RHOU: variants seen among roughly 807,000 people sequenced by gnomAD.
RHOU encodes the protein ras homolog family member U, also known as rho-related GTP-binding protein RhoU.
RHOU carries 8 observed loss-of-function variants against 12.6 expected under a neutral mutation model. The ratio of observed to expected loss-of-function variants is 0.64; its 90% CI spans 0.37 to 1.15. The LOEUF (loss-of-function observed/expected upper bound fraction) is 1.15. Ranked by LOEUF, RHOU falls within the 50% of genes most tolerant of loss-of-function variation. The pLI is 0.01. For missense variants in RHOU, 258 were observed against 347.0 expected (o/e 0.74, Z 2.04); for synonymous variants, 161 against 147.4 (o/e 1.09, Z -0.67).
At chr1:228,716,501 C>T in the RHOU span, among the ~76,000 whole-genome samples, 1 of 152,132 alleles carries the variant, frequency 6.6e-6, no homozygotes, top group Admixed American at 6.5e-5. Flanking sequence ...TCACCATCAC[C>T]ATTTATTGTC....
upstream of RHOU, among the ~76,000 whole-genome samples, chr1:228,733,597 G>A (rs930145093): frequency 1.3e-5 from 2 of 152,194 alleles, no homozygotes; most frequent in Non-Finnish European, 2.9e-5. Flanking sequence ...GTGAGCCACC[G>A]CACCAGCCGA....
the RHOU span, among the ~76,000 whole-genome samples, chr1:228,723,646 G>A: frequency 6.6e-6 from 1 of 152,220 alleles, no homozygotes; most frequent in African/African-American, 2.4e-5. Flanking sequence ...AAGAGCCGGG[G>A]CTTTACGAGT....
At chr1:228,716,733 T>TATGTACAC in the RHOU span, among the ~76,000 whole-genome samples, 2 of 138,194 alleles carry the variant, frequency 1.4e-5, no homozygotes, top group East Asian at 4.0e-4. Flanking sequence ...TGTGTATATA[T>TATGTACAC]ACATATACAC....
At chr1:228,672,804 T>G in the RHOU span, among the ~76,000 whole-genome samples, 2 of 152,188 alleles carry the variant, frequency 1.3e-5, no homozygotes, top group Non-Finnish European at 2.9e-5. Context: ...TGGTTTTGTC[T>G]TACTGTGTTA....
chr1:228,735,459 C>G (rs950530158), upstream of RHOU: 5 of 221,490 alleles, frequency 2.3e-5, no homozygotes, highest in Admixed American at 1.2e-4. This position sits in a 1 kb window ranked among gnomAD's most constrained non-coding sequence, Gnocchi z 8.1. Flanking sequence ...CGTCGTGTCG[C>G]CGGGAAGCCG....
At chr1:228,707,665 C>T in the RHOU span, among the ~76,000 whole-genome samples, 24 of 152,076 alleles carry the variant, frequency 1.6e-4, no homozygotes, top group African/African-American at 5.8e-4. Flanking sequence ...TGTACATCAC[C>T]ATCATCAAAG....
At chr1:228,647,309 G>A in the RHOU span, among the ~76,000 whole-genome samples, 1 of 152,218 alleles carries the variant, frequency 6.6e-6, no homozygotes, top group Non-Finnish European at 1.5e-5. Context: ...CTCTTGGTGC[G>A]GTGCAGTGGG....
chr1:228,647,606 G>A, the RHOU span, among the ~76,000 whole-genome samples: 38 of 152,316 alleles, frequency 2.5e-4, no homozygotes, highest in African/African-American at 8.7e-4. Context: ...CGACTGCGCC[G>A]GATGAGTGAA....
the RHOU span, among the ~76,000 whole-genome samples, chr1:228,725,598 G>A: frequency 6.6e-6 from 1 of 152,212 alleles, no homozygotes; most frequent in Non-Finnish European, 1.5e-5. Context: ...TGGGCAGAAC[G>A]ATGGCAGCAT....
At chr1:228,659,955 C>CAA in the RHOU span, among the ~76,000 whole-genome samples, 164 of 34,308 alleles carry the variant, frequency 4.8e-3, 4 homozygotes, top group African/African-American at 6.5e-3. Flanking sequence ...CTGGTCTCTA[C>CAA]AAAAAAAAAA....
the RHOU span, among the ~76,000 whole-genome samples, chr1:228,711,483 A>G: frequency 6.6e-6 from 1 of 152,148 alleles, no homozygotes; most frequent in Non-Finnish European, 1.5e-5. Flanking sequence ...GGAACAGAAC[A>G]GAGCCCTCAG....
At chr1:228,733,880 G>T (rs1200699769), upstream of RHOU, among the ~76,000 whole-genome samples, 1 of 152,218 alleles carries the variant, frequency 6.6e-6, no homozygotes, top group Non-Finnish European at 1.5e-5. Context: ...GGCAAGTCAG[G>T]TACCTGAGGC....
chr1:228,658,612 C>T, the RHOU span, among the ~76,000 whole-genome samples: 5 of 152,172 alleles, frequency 3.3e-5, no homozygotes, highest in Admixed American at 6.5e-5. Context: ...TATTTTGTTA[C>T]AGCAACATGA....
chr1:228,693,562 G>T, the RHOU span, among the ~76,000 whole-genome samples: 1 of 152,272 alleles, frequency 6.6e-6, no homozygotes, highest in South Asian at 2.1e-4. Flanking sequence ...TGCCTCCCGG[G>T]TTCAAGCGAT....
upstream of RHOU, among the ~76,000 whole-genome samples, chr1:228,733,537 C>T (rs544765866): frequency 9.3e-4 from 142 of 152,310 alleles, no homozygotes; most frequent in Middle Eastern, 0.01. Context: ...GAACTCGTGG[C>T]CTCAACCGGT....
At chr1:228,726,664 C>CAA in the RHOU span, among the ~76,000 whole-genome samples, 203 of 102,180 alleles carry the variant, frequency 2.0e-3, 2 homozygotes, top group African/African-American at 5.2e-3. Context: ...GACTCCATCT[C>CAA]AAAAAAAAAA....
At chr1:228,650,781 A>G in the RHOU span, 10 of 427,398 alleles carry the variant, frequency 2.3e-5, no homozygotes, top group Non-Finnish European at 3.7e-5. Flanking sequence ...TCCTCCCTCT[A>G]CCTTGGAGGT....
upstream of RHOU, chr1:228,735,334 A>C (rs1662572581): frequency 6.6e-6 from 1 of 152,446 alleles, no homozygotes; most frequent in Non-Finnish European, 1.5e-5. The surrounding 1 kb of genome is among the most constrained non-coding windows in gnomAD (Gnocchi z 8.1). Flanking sequence ...GCGCGGGTGC[A>C]GGCGCGCGGC....
chr1:228,666,478 A>T, the RHOU span, among the ~76,000 whole-genome samples: 2 of 152,184 alleles, frequency 1.3e-5, no homozygotes, highest in Non-Finnish European at 2.9e-5. Context: ...ATAATATATT[A>T]TTGTTAACTA....
Sources: gnomAD v4.1 joint callset for allele counts (sites outside exome capture counted in the v4.1 genomes callset) on GRCh38, gnomAD v4.1.1 for gene constraint, Gnocchi (gnomAD v3.1) non-coding constraint, MANE v1.5 for transcripts, NCBI Gene and HGNC (gene_info 2026-07-23, HGNC 2026-07-21) for gene names.